Variants in DYNC1I1 observed in about 807,000 individuals in gnomAD.
The protein encoded by DYNC1I1 is cytoplasmic dynein 1 intermediate chain 1.
DYNC1I1 carries 43 observed loss-of-function variants against 86.6 expected under a neutral mutation model. The observed-to-expected ratio is 0.50, with a 90% confidence interval of 0.39 to 0.64. The LOEUF (loss-of-function observed/expected upper bound fraction) is 0.64, where lower values mean the gene tolerates loss of function less well. Among genes scored for constraint, DYNC1I1 ranks in the 30% least tolerant of loss-of-function variants. The probability of loss-of-function intolerance (pLI) is 0.00; values close to 1 mark genes in which losing one functional copy is unlikely to be tolerated. For synonymous variants in DYNC1I1, 262 were observed against 283.7 expected, an observed-to-expected ratio of 0.92 and a Z score of 0.77; for missense variants, 604 against 788.8, an observed-to-expected ratio of 0.77 and a Z score of 2.81.
intron 5 of DYNC1I1, among the ~76,000 whole-genome samples, chr7:95,838,283 T>C (rs1789174196): frequency 6.6e-6 from 1 of 152,212 alleles, no homozygotes; most frequent in Admixed American, 6.5e-5. Context: ...CCCAACACCG[T>C]GAATTGAAGA....
intron 6 of DYNC1I1, among the ~76,000 whole-genome samples, chr7:95,956,839 A>T (rs1291802678): frequency 6.6e-6 from 1 of 152,194 alleles, no homozygotes; most frequent in Non-Finnish European, 1.5e-5. Context: ...GCTGCAATAA[A>T]CACACGTGTG....
intron 6 of DYNC1I1, 122 bp downstream of exon 6, chr7:95,870,120 C>A: frequency 1.2e-6 from 1 of 818,984 alleles, no homozygotes; most frequent in Non-Finnish European, 1.8e-6. Context: ...CATAATGACA[C>A]TGAAAGCCAA....
At chr7:95,804,470 G>C (rs1794657897) in intron 1 of DYNC1I1, 1 of 963,458 alleles carries the variant, frequency 1.0e-6, no homozygotes, top group Non-Finnish European at 1.4e-6. Context: ...TCTTGCTTAG[G>C]CCACATAATA....
At chr7:95,874,626 GT>G (rs1790256809) in intron 6 of DYNC1I1, among the ~76,000 whole-genome samples, 1 of 142,324 alleles carries the variant, frequency 7.0e-6, no homozygotes, top group African/African-American at 2.6e-5. Context: ...TCTCTAATTG[GT>G]GGCCTTATTA....
chr7:95,869,081 C>G (rs1233333539), intron 5 of DYNC1I1, among the ~76,000 whole-genome samples: 2 of 152,130 alleles, frequency 1.3e-5, no homozygotes, highest in Non-Finnish European at 2.9e-5. Flanking sequence ...GTTGTATATA[C>G]TTGGGCACAT....
At chr7:95,907,546 C>T (rs191307080) in intron 6 of DYNC1I1, among the ~76,000 whole-genome samples, 13 of 152,228 alleles carry the variant, frequency 8.5e-5, no homozygotes, top group Admixed American at 8.5e-4. Context: ...CTTGCTCTTC[C>T]CTACTCTTCC....
At chr7:95,967,215 T>G (rs1793038197) in intron 6 of DYNC1I1, among the ~76,000 whole-genome samples, 1 of 152,160 alleles carries the variant, frequency 6.6e-6, no homozygotes, top group African/African-American at 2.4e-5. Flanking sequence ...GAATGATAAA[T>G]GCCATAATCT....
chr7:95,937,320 T>C (rs1792072024), intron 6 of DYNC1I1, among the ~76,000 whole-genome samples: 1 of 152,040 alleles, frequency 6.6e-6, no homozygotes, highest in African/African-American at 2.4e-5. Flanking sequence ...TTACATGTTC[T>C]CACCACATGG....
At chr7:95,869,517 C>A (rs1391939468) in intron 5 of DYNC1I1, among the ~76,000 whole-genome samples, 3 of 151,384 alleles carry the variant, frequency 2.0e-5, no homozygotes, top group Non-Finnish European at 4.4e-5. Flanking sequence ...CTTTCCTTTT[C>A]TCCTTCTTTC....
At chr7:96,097,454 C>A in intron 16 of DYNC1I1, 29 bp from the exon 17 acceptor site, 3 of 1,612,172 alleles carry the variant, frequency 1.9e-6, no homozygotes, top group Non-Finnish European at 2.5e-6. Flanking sequence ...ATATCTTGTT[C>A]ATCATTTCTC....
At chr7:95,949,256 C>T (rs1026152796) in intron 6 of DYNC1I1, among the ~76,000 whole-genome samples, 2 of 152,228 alleles carry the variant, frequency 1.3e-5, no homozygotes, top group African/African-American at 2.4e-5. Context: ...TAAAATGTAG[C>T]TCTGGAGATC....
At chr7:96,028,784 G>A (rs898830296) in intron 11 of DYNC1I1, among the ~76,000 whole-genome samples, 1 of 152,222 alleles carries the variant, frequency 6.6e-6, no homozygotes, top group Non-Finnish European at 1.5e-5. Flanking sequence ...AATGTGTGGT[G>A]TAAGTCTCAA....
At chr7:95,912,746 G>A (rs1440761653) in intron 6 of DYNC1I1, among the ~76,000 whole-genome samples, 2 of 152,148 alleles carry the variant, frequency 1.3e-5, no homozygotes, top group African/African-American at 4.8e-5. Context: ...AGTCTCATTA[G>A]CACCAGCCCT....
At chr7:95,953,170 C>A (rs897207747) in intron 6 of DYNC1I1, among the ~76,000 whole-genome samples, 1 of 150,184 alleles carries the variant, frequency 6.7e-6, no homozygotes, top group Admixed American at 6.7e-5. Context: ...TTCACACACA[C>A]CTTCACACTT....
intron 5 of DYNC1I1, among the ~76,000 whole-genome samples, chr7:95,833,107 A>G (rs1584261814): frequency 6.7e-6 from 1 of 148,654 alleles, no homozygotes; most frequent in Non-Finnish European, 1.5e-5. Flanking sequence ...TTTTAGGTCT[A>G]ATGTTTAAGT....
chr7:96,055,949 G>A (rs1789565440), intron 14 of DYNC1I1: 1 of 152,174 alleles, frequency 6.6e-6, no homozygotes, highest in Non-Finnish European at 1.5e-5. Flanking sequence ...GCAAAAGTAA[G>A]AGGAGGTCTC....
chr7:95,977,388 T>C (rs1369914190), intron 6 of DYNC1I1, 124 bp from the exon 7 acceptor site: 3 of 709,486 alleles, frequency 4.2e-6, no homozygotes, highest in Non-Finnish European at 6.8e-6. Context: ...CATTGTGGAC[T>C]GATTTACTTA....
At chr7:95,799,128 A>C (rs1381163349) in intron 1 of DYNC1I1, among the ~76,000 whole-genome samples, 4 of 152,126 alleles carry the variant, frequency 2.6e-5, no homozygotes, top group African/African-American at 9.7e-5. Flanking sequence ...TCATGCTTAT[A>C]ACCCCAGCGA....
At chr7:95,871,541 GTTTA>G in intron 6 of DYNC1I1, among the ~76,000 whole-genome samples, 1 of 152,266 alleles carries the variant, frequency 6.6e-6, no homozygotes, top group Admixed American at 6.5e-5. Flanking sequence ...CTGGAGGCAT[GTTTA>G]TTTAGCCCAA....
Sources: allele counts gnomAD v4.1 joint callset (sites outside exome capture counted in the v4.1 genomes callset), GRCh38; gene constraint gnomAD v4.1.1; transcripts MANE v1.5; gene names NCBI Gene and HGNC (gene_info 2026-07-23, HGNC 2026-07-21).